The following ST7 variants were observed in gnomAD, a reference collection of about 807,000 sequenced individuals.
The protein encoded by ST7 is suppressor of tumorigenicity 7 protein.
In ST7, 28 loss-of-function variants were observed where a neutral mutation model predicts 78.7. That is an observed-to-expected ratio of 0.36 (90% CI 0.26 to 0.49). The LOEUF is 0.49. ST7 is among the 20% of genes least tolerant of loss of function. The probability of loss-of-function intolerance (pLI) is 0.99; values close to 1 mark genes in which losing one functional copy is unlikely to be tolerated. For synonymous variants in ST7, 247 were observed against 249.6 expected, an observed-to-expected ratio of 0.99 and a Z score of 0.10; for missense variants, 418 against 696.0, an observed-to-expected ratio of 0.60 and a Z score of 4.49.
intron 12 of ST7, among the ~76,000 whole-genome samples, chr7:117,205,146 A>C (rs1048833025): frequency 6.6e-6 from 1 of 152,216 alleles, no homozygotes; most frequent in Non-Finnish European, 1.5e-5. Context: ...AAAATCAAAT[A>C]TTTAACCACC....
intron 10 of ST7, among the ~76,000 whole-genome samples, chr7:117,179,655 G>A (rs1808596808): frequency 6.6e-6 from 1 of 152,066 alleles, no homozygotes; most frequent in Non-Finnish European, 1.5e-5. Flanking sequence ...GGATGAGGAG[G>A]GATGCAGTGA....
At chr7:117,136,449 C>G in intron 8 of ST7, 1 of 621,978 alleles carries the variant, frequency 1.6e-6, no homozygotes, top group Non-Finnish European at 2.8e-6. Flanking sequence ...CATTCTCTTT[C>G]CTGCCCATAG....
At chr7:117,205,247 G>A (rs1057500836) in intron 12 of ST7, among the ~76,000 whole-genome samples, 7 of 152,066 alleles carry the variant, frequency 4.6e-5, no homozygotes, top group Non-Finnish European at 8.8e-5. Context: ...TATGTAAATT[G>A]TTAGGGTACA....
chr7:117,127,053 T>C (rs1803911991), intron 3 of ST7, among the ~76,000 whole-genome samples: 1 of 151,894 alleles, frequency 6.6e-6, no homozygotes, highest in Non-Finnish European at 1.5e-5. Flanking sequence ...TTTTTAACTA[T>C]ATTATTATTG....
chr7:117,214,386 A>G (rs917870405), intron 13 of ST7, among the ~76,000 whole-genome samples: 3 of 152,106 alleles, frequency 2.0e-5, no homozygotes, highest in Non-Finnish European at 2.9e-5. Flanking sequence ...AGAGGGGAAA[A>G]TGGCCCATTG....
At chr7:117,142,557 T>G (rs1196756230) in intron 9 of ST7, among the ~76,000 whole-genome samples, 1 of 152,042 alleles carries the variant, frequency 6.6e-6, no homozygotes, top group Non-Finnish European at 1.5e-5. Context: ...GAACCACTGA[T>G]CTAGAGAATC....
rs529148837 is a variant in ST7, at chr7:117,104,932, A to G, written c.234+5088A>G. On this transcript the variant is annotated intron_variant, in intron 2 of 15. Coordinates refer to ENST00000323984, the MANE Select transcript of ST7 (RefSeq NM_001369598.1). ...CTCAGTGGGGTTAAGAAGCTTATAT[A>G]TGATCTTGAGGTTACAGAAAGATTG... Among the ~76,000 whole-genome samples, 17 of 152,332 alleles carry G rather than the reference A, an allele frequency of 1.1e-4. No individual in the cohort carries two copies. The East Asian group carries it at 2.7e-3, about 24-fold the overall frequency.
chr7:117,227,143 A>G (rs1793498430), intron 15 of ST7, among the ~76,000 whole-genome samples: 1 of 152,196 alleles, frequency 6.6e-6, no homozygotes, highest in Non-Finnish European at 1.5e-5. Flanking sequence ...ATCTCCATTC[A>G]TTCTACAGCT....
chr7:117,129,733 A>C, intron 3 of ST7, 60 bp from the exon 4 acceptor site: 1 of 1,299,350 alleles, frequency 7.7e-7, no homozygotes. Context: ...TTGCTGAATT[A>C]ATTAGCTTGT....
At chr7:117,148,710 A>G (rs181764968) in intron 9 of ST7, among the ~76,000 whole-genome samples, 5 of 152,336 alleles carry the variant, frequency 3.3e-5, no homozygotes, top group African/African-American at 9.6e-5. Context: ...GTCAATATCT[A>G]TAAATTATTC....
chr7:117,093,932 A>G (rs1294899425), intron 1 of ST7, among the ~76,000 whole-genome samples: 1 of 152,192 alleles, frequency 6.6e-6, no homozygotes, highest in Non-Finnish European at 1.5e-5. Context: ...TTTACCAAGA[A>G]AGTAAGTAAA....
chr7:117,185,594 A>G (rs1809181487), intron 10 of ST7, among the ~76,000 whole-genome samples: 1 of 152,236 alleles, frequency 6.6e-6, no homozygotes. Flanking sequence ...ATATTTTTTC[A>G]TATACATATG....
chr7:117,033,526 T>C (rs1399825113), intron 1 of ST7, among the ~76,000 whole-genome samples: 2 of 151,674 alleles, frequency 1.3e-5, no homozygotes, highest in African/African-American at 2.4e-5. Flanking sequence ...TGGGTTCAGG[T>C]GATTCTCCTG....
intron 12 of ST7, among the ~76,000 whole-genome samples, chr7:117,195,061 T>C (rs890739900): frequency 2.0e-5 from 3 of 152,192 alleles, no homozygotes; most frequent in Non-Finnish European, 4.4e-5. Flanking sequence ...AAATATGTCT[T>C]TTGCTCTATA....
At chr7:117,140,791 G>C (rs1423206589) in intron 9 of ST7, among the ~76,000 whole-genome samples, 2 of 152,116 alleles carry the variant, frequency 1.3e-5, no homozygotes, top group East Asian at 3.8e-4. Flanking sequence ...CAGTAGACAT[G>C]GGCCTTCTGG....
chr7:116,979,655 A>G (rs1164653782), intron 1 of ST7, among the ~76,000 whole-genome samples: 4 of 152,072 alleles, frequency 2.6e-5, no homozygotes, highest in African/African-American at 9.7e-5. Context: ...TTATTTCAAC[A>G]CTTATAATCT....
At chr7:116,978,190 T>C (rs1403365796) in intron 1 of ST7, among the ~76,000 whole-genome samples, 1 of 152,168 alleles carries the variant, frequency 6.6e-6, no homozygotes, top group African/African-American at 2.4e-5. Context: ...AGAAGAACCA[T>C]AGTTGAGGAA....
chr7:117,206,434 A>G (rs1056084027), intron 12 of ST7, among the ~76,000 whole-genome samples: 1 of 152,204 alleles, frequency 6.6e-6, no homozygotes, highest in African/African-American at 2.4e-5. Flanking sequence ...ATGATTTAGC[A>G]GAGGAACAAG....
At chr7:117,023,778 T>TAA (rs2116063837) in intron 1 of ST7, among the ~76,000 whole-genome samples, 1 of 1,592 alleles carries the variant, frequency 6.3e-4, no homozygotes, top group East Asian at 0.5. Flanking sequence ...TTAATTTGAT[T>TAA]ATATATATAT....
Sources: gnomAD v4.1 joint callset for allele counts (sites outside exome capture counted in the v4.1 genomes callset) on GRCh38, gnomAD v4.1.1 for gene constraint, MANE v1.5 for transcripts, NCBI Gene and HGNC (gene_info 2026-07-23, HGNC 2026-07-21) for gene names.